Variants in RFTN1 observed in about 807,000 individuals in gnomAD.
The protein encoded by RFTN1 is raftlin, lipid raft linker 1.
A neutral mutation model predicts 46.5 loss-of-function variants in RFTN1; 26 were observed. The observed-to-expected ratio is 0.56, with a 90% CI of 0.41 to 0.78. RFTN1 has a LOEUF of 0.78. RFTN1 is among the 30% of genes least tolerant of loss of function. The pLI is 0.00. For synonymous variants in RFTN1, 261 were observed against 284.2 expected (o/e 0.92, Z 0.82); for missense variants, 693 against 718.7 (o/e 0.96, Z 0.41).
At position 16,370,283 on chromosome 3, in the gene RFTN1, T is replaced by C. The variant is rs755236422; in HGVS notation, c.827-4A>G. On this transcript the variant is annotated splice_polypyrimidine_tract_variant and splice_region_variant and intron_variant, in intron 5 of 9. Coordinates refer to ENST00000334133, the MANE Select transcript of RFTN1 (RefSeq NM_015150.2). The surrounding 1 kb of genome is among the most constrained non-coding windows in gnomAD (Gnocchi z 5.5). ...AAAAGGGTGAAGATCTCCATTTCTG[T>C]TGGGATTTGTAAAGGGAGTGGAGAG... 2 of 1,613,596 alleles carry C rather than the reference T, an allele frequency of 1.2e-6. No individual in the cohort carries two copies. Among genetic ancestry groups the C allele is most frequent in the East Asian group, 2.2e-5 (1 of 44,854 alleles).
intron 4 of RFTN1, among the ~76,000 whole-genome samples, chr3:16,386,521 C>CT (rs2074180090): frequency 6.6e-6 from 1 of 152,238 alleles, no homozygotes; most frequent in Admixed American, 6.5e-5. Context: ...AGGCAGCTGG[C>CT]TCCAGAGCCC....
rs2125021413 is a variant in RFTN1, at chr3:16,512,899, C to T, written c.-9+543G>A. ...GGCATGTCTGCTCCTACACGTCCAGCACCTCTGTCCCCAGAGCAAACCCAC... is the reference window on the plus strand; with the variant it reads ...GGCATGTCTGCTCCTACACGTCCAGTACCTCTGTCCCCAGAGCAAACCCAC... On this transcript the variant is annotated intron_variant, in intron 1 of 9. Coordinates refer to ENST00000334133, the MANE Select transcript of RFTN1 (RefSeq NM_015150.2). This position sits in a 1 kb window ranked among gnomAD's most constrained non-coding sequence, Gnocchi z 4.3. The T allele has an allele frequency of 6.6e-6, 1 of 152,376 alleles. No individual in the cohort carries two copies. Among genetic ancestry groups the T allele is most frequent in the Non-Finnish European group, 1.5e-5 (1 of 68,102 alleles). 9.4% of individuals were successfully genotyped at this position (152,376 alleles called of 1,614,324 possible). A position where few individuals can be genotyped will look rare whatever the true frequency, so the allele number is the denominator to read the frequency against.
Position 16,393,971 on chromosome 3 carries a change from A to G in RFTN1, c.441+15404T>C, listed in dbSNP as rs2074412166. ...ACCGCACCCGGCCAGACTTTTTTTT[A>G]AGGAGGAAAATAAATCTAAGAAAAA... On this transcript the variant is annotated intron_variant, in intron 4 of 9. Coordinates refer to ENST00000334133, the MANE Select transcript of RFTN1 (RefSeq NM_015150.2). 2.0e-5 allele frequency among the ~76,000 whole-genome samples: 3 copies of G among 152,046 alleles called. No individual in the cohort carries two copies. The South Asian group carries it at 6.2e-4, about 32-fold the overall frequency.
rs767598858 is a variant in RFTN1 at position 16,378,121 on chromosome 3, G to T, written c.442-19C>A. On this transcript the variant is annotated intron_variant, in intron 4 of 9. Coordinates refer to ENST00000334133, the MANE Select transcript of RFTN1 (RefSeq NM_015150.2). The stretch of plus-strand genomic sequence containing the variant: ...CCTGGATCTGTGAGGCAAACAAAAG[G>T]AAGGGAAACAAGTGAATGAAATGGT... 1.2e-5 allele frequency: 19 copies of T among 1,598,142 alleles called. No individual in the cohort carries two copies. The highest frequency in any genetic ancestry group is 1.4e-5 in the Non-Finnish European group (16 of 1,166,840).
At chr3:16,404,275 A>ATATATTTC (rs1559328716) in intron 4 of RFTN1, among the ~76,000 whole-genome samples, 1 of 13,862 alleles carries the variant, frequency 7.2e-5, no homozygotes, top group African/African-American at 4.2e-4. Flanking sequence ...TAATATATAT[A>ATATATTTC]ATATGTAATA....
At chr3:16,358,571 G>A (rs2072618154) in intron 6 of RFTN1, among the ~76,000 whole-genome samples, 1 of 152,012 alleles carries the variant, frequency 6.6e-6, no homozygotes, top group Non-Finnish European at 1.5e-5. Flanking sequence ...CTTGTCAAGA[G>A]GTGGAATGTG....
rs1186168548 is a variant in RFTN1 at position 16,320,338 on chromosome 3, C to CT, written c.1332+3037dup. On this transcript the variant is annotated intron_variant, in intron 9 of 9. Transcript: ENST00000334133. This position sits in a 1 kb window ranked among gnomAD's most constrained non-coding sequence, Gnocchi z 4.5. The stretch of plus-strand genomic sequence containing the variant: ...ATCCATGTTGCTGATTAAAAGAAGA[C>CT]TAAATATGCCACATCCTCGGTGTGC... Among the ~76,000 whole-genome samples, 10 of 152,336 alleles carry CT rather than the reference C, an allele frequency of 6.6e-5. No homozygotes were observed. The highest frequency in any genetic ancestry group is 2.2e-4 in the African/African-American group (9 of 41,576).
intron 6 of RFTN1, 85 bp from the exon 7 acceptor site, chr3:16,358,132 G>T: frequency 1.3e-6 from 1 of 752,994 alleles, no homozygotes; most frequent in Admixed American, 1.9e-5. Flanking sequence ...CATTTCCACT[G>T]CATTCATTAA....
intron 4 of RFTN1, among the ~76,000 whole-genome samples, chr3:16,378,427 AAG>A (rs2073866229): frequency 6.6e-6 from 1 of 152,370 alleles, no homozygotes; most frequent in South Asian, 2.1e-4. Flanking sequence ...GTTCTAAACA[AAG>A]AGTTTGAAGG....
At chr3:16,388,460 A>T (rs2074261206) in intron 4 of RFTN1, among the ~76,000 whole-genome samples, 1 of 152,256 alleles carries the variant, frequency 6.6e-6, no homozygotes, top group South Asian at 2.1e-4. Flanking sequence ...TCCATCTGGG[A>T]CCAATAATGT....
rs1553726204 is a variant in RFTN1 at position 16,345,829 on chromosome 3, TGCGC to T, written c.1146+12099_1146+12102del. 2.9e-5 allele frequency among the ~76,000 whole-genome samples: 2 copies of T among 69,826 alleles called. No individual in the cohort carries two copies. The highest frequency in any genetic ancestry group is 6.1e-5 in the Non-Finnish European group (2 of 32,524). The allele number at this position is 69,826 out of a possible 152,430, so 45.8% of individuals were successfully genotyped here. On this transcript the variant is annotated intron_variant, in intron 7 of 9. Coordinates refer to ENST00000334133, the MANE Select transcript of RFTN1 (RefSeq NM_015150.2). The surrounding 1 kb of genome is among the most constrained non-coding windows in gnomAD (Gnocchi z 5.2). Reference sequence around the variant, plus strand: ...GTGTGTGTGTGTGTGCGCGCGCGCGTGCGCGCACGCGCACATGTGCATGTGTATG... The same window carrying T: ...GTGTGTGTGTGTGTGCGCGCGCGCGTGCACGCGCACATGTGCATGTGTATG...
chr3:16,470,647 C>T (rs192845108), intron 2 of RFTN1, among the ~76,000 whole-genome samples: 177 of 152,290 alleles, frequency 1.2e-3, no homozygotes, highest in African/African-American at 3.8e-3. Flanking sequence ...CCAGCTAAGG[C>T]TAAAAGAACA....
chr3:16,437,071 A>G (rs1207120686), intron 2 of RFTN1, among the ~76,000 whole-genome samples: 4 of 152,250 alleles, frequency 2.6e-5, no homozygotes, highest in African/African-American at 9.6e-5. Context: ...GATTTGGTCA[A>G]GTCTTCCTTT....
chr3:16,347,223 T>C (rs942123981), intron 7 of RFTN1, among the ~76,000 whole-genome samples: 3 of 152,228 alleles, frequency 2.0e-5, no homozygotes, highest in African/African-American at 7.2e-5. Context: ...CCCAGACTTT[T>C]CACATGCAAA....
intron 7 of RFTN1, among the ~76,000 whole-genome samples, chr3:16,357,312 C>T (rs957832506): frequency 2.0e-5 from 3 of 152,120 alleles, no homozygotes; most frequent in Admixed American, 6.6e-5. Context: ...TAAATTAGCT[C>T]CTCCAAAGTC....
At chr3:16,420,494 G>A (rs2075163831) in intron 3 of RFTN1, among the ~76,000 whole-genome samples, 1 of 152,226 alleles carries the variant, frequency 6.6e-6, no homozygotes, top group Non-Finnish European at 1.5e-5. Context: ...CATGGGACCT[G>A]TCCAGTTAGG....
Position 16,431,325 on chromosome 3 carries a change from C to T in RFTN1, c.332+2526G>A, listed in dbSNP as rs79393477. On this transcript the variant is annotated intron_variant, in intron 3 of 9. Coordinates refer to ENST00000334133, the MANE Select transcript of RFTN1 (RefSeq NM_015150.2). ...AAGAATTAGGTCCTCCACACACTTG[C>T]TACTCAAAGTGCGTGCCACGGACCA... 1.8e-4 allele frequency among the ~76,000 whole-genome samples: 28 copies of T among 152,318 alleles called. 1 individual carries two copies. In the East Asian group the frequency reaches 5.2e-3, roughly 28 times the overall value.
chr3:16,339,981 A>C (rs745876851), intron 7 of RFTN1: 20 of 152,238 alleles, frequency 1.3e-4, no homozygotes, highest in Non-Finnish European at 2.6e-4. Context: ...AATGTGAATT[A>C]ATTTGCCAGG....
chr3:16,333,490 T>C (rs1364549798), intron 7 of RFTN1, among the ~76,000 whole-genome samples: 1 of 152,254 alleles, frequency 6.6e-6, no homozygotes, highest in African/African-American at 2.4e-5. Context: ...ATTATGTCAT[T>C]CCTTTAGTTT....
Sources: allele counts gnomAD v4.1 joint callset (sites outside exome capture counted in the v4.1 genomes callset), GRCh38; gene constraint gnomAD v4.1.1; non-coding constraint Gnocchi (gnomAD v3.1); transcripts MANE v1.5; gene names NCBI Gene and HGNC (gene_info 2026-07-23, HGNC 2026-07-21).